The following RIPPLY3 variants were observed in gnomAD, a reference collection of about 807,000 sequenced individuals.
RIPPLY3 encodes the protein protein ripply3.
Under a neutral mutation model 11.9 loss-of-function variants are expected in RIPPLY3, and 8 were observed. The observed-to-expected ratio is 0.67, with a 90% CI of 0.40 to 1.21. RIPPLY3 has a LOEUF of 1.21. RIPPLY3 is among the 50% of genes most tolerant of loss of function. The pLI is 0.01. For missense variants in RIPPLY3, 271 were observed against 246.0 expected, an observed-to-expected ratio of 1.10 and a Z score of -0.68; for synonymous variants, 102 against 99.0, an observed-to-expected ratio of 1.03 and a Z score of -0.18.
At chr21:37,016,406 G>A (rs1249655157) in intron 3 of RIPPLY3, among the ~76,000 whole-genome samples, 1 of 151,828 alleles carries the variant, frequency 6.6e-6, no homozygotes, top group African/African-American at 2.4e-5. Flanking sequence ...TTTATAGAAG[G>A]GTGTTTTCTC....
At position 37,018,167 on chromosome 21, in the gene RIPPLY3, G is replaced by A. The variant is rs768346448; in HGVS notation, c.533G>A (p.Gly178Asp). The change falls in exon 4 of 4, where the codon GGT becomes GAT. Residue 178 changes from glycine (G) to aspartate (D), a missense_variant. Coordinates refer to ENST00000329553, the MANE Select transcript of RIPPLY3 (RefSeq NM_018962.3). ...TGGGGGGAGGGTCCGCTCCCTCAAGGTGTCTCCTCAAGGGGTGGCAAGTGC... is the reference window on the plus strand; with the variant it reads ...TGGGGGGAGGGTCCGCTCCCTCAAGATGTCTCCTCAAGGGGTGGCAAGTGC... ...DHWGEGPLPQGVSSRGGKCSS... is the reference protein window; with the variant it reads ...DHWGEGPLPQDVSSRGGKCSS... 3.1e-6 allele frequency: 5 copies of A among 1,614,000 alleles called. No individual in the cohort carries two copies. The East Asian group carries it at 6.7e-5, about 22-fold the overall frequency.
intron 2 of RIPPLY3, among the ~76,000 whole-genome samples, chr21:37,008,756 C>CAAAAAAAA (rs71198845): frequency 1.2e-5 from 1 of 81,652 alleles, no homozygotes; most frequent in Non-Finnish European, 2.4e-5. Context: ...AGACTCATCT[C>CAAAAAAAA]AAAAAAAAAA....
chr21:37,008,222 C>A lies in RIPPLY3; in HGVS notation c.170C>A (p.Pro57Gln). The change falls in exon 2 of 4, where the codon CCG (proline) becomes CAG (glutamine). Residue 57 changes from proline (P) to glutamine (Q), a missense_variant and splice_region_variant. Physicochemically the swap from Pro to Gln is moderately conservative, Grantham distance 76. Coordinates refer to ENST00000329553, the MANE Select transcript of RIPPLY3 (RefSeq NM_018962.3). ...GCTGAGCTGACCAGAACTGGAAGGC[C>A]GGTAAGGTTCAGTGCGGGCGTTGTA... ...GDAELTRTGR[P>Q]LEPRADQHTF... 6.2e-7 allele frequency: 1 copy of A among 1,614,018 alleles called. No homozygotes were observed. The highest frequency in any genetic ancestry group is 8.5e-7 in the Non-Finnish European group (1 of 1,179,992).
At chr21:37,017,435 CA>C (rs2146780541) in intron 3 of RIPPLY3, among the ~76,000 whole-genome samples, 1 of 152,074 alleles carries the variant, frequency 6.6e-6, no homozygotes, top group Non-Finnish European at 1.5e-5. Flanking sequence ...CTCCAGAACC[CA>C]AGGGGTTACA....
chr21:37,009,068 A>G (rs768670180), intron 2 of RIPPLY3, among the ~76,000 whole-genome samples: 1 of 151,886 alleles, frequency 6.6e-6, no homozygotes, highest in Non-Finnish European at 1.5e-5. Flanking sequence ...GAGCAAATAC[A>G]CTCAAGCAGA....
Position 37,008,042 on chromosome 21 carries a change from G to A in RIPPLY3, c.105-115G>A, listed in dbSNP as rs2069483013. ...GAGAACTCCAGGGAAAGTTCCTGGGGGGTCCGGTGCCTCTTTTTCAGGCAG... is the reference window on the plus strand; with the variant it reads ...GAGAACTCCAGGGAAAGTTCCTGGGAGGTCCGGTGCCTCTTTTTCAGGCAG... On this transcript the variant is annotated intron_variant, in intron 1 of 3. Coordinates refer to ENST00000329553, the MANE Select transcript of RIPPLY3 (RefSeq NM_018962.3). 1.2e-5 allele frequency: 12 copies of A among 1,025,510 alleles called. No homozygotes were observed. The South Asian group carries it at 1.7e-4, about 15-fold the overall frequency. 63.5% of individuals were successfully genotyped at this position (1,025,510 alleles called of 1,614,324 possible).
chr21:37,019,035 C>T lies in RIPPLY3; in HGVS notation c.*828C>T, dbSNP rs1431790779. 2.6e-5 allele frequency: 4 copies of T among 151,532 alleles called. No individual in the cohort carries two copies. Among genetic ancestry groups the T allele is most frequent in the Admixed American group, 2.0e-4 (3 of 15,182 alleles). 9.4% of individuals were successfully genotyped at this position (151,532 alleles called of 1,614,324 possible). ...ATTAAAAAAAAATTTTTTTAACCCG[C>T]CGAATAATTCCCATAAGAGTAACAA... On this transcript the variant is annotated 3_prime_UTR_variant, in exon 4 of 4. Transcript: ENST00000329553.
In RIPPLY3 at chr21:37,006,757, G is replaced by A. The variant is rs2069467972; in HGVS notation, c.-16G>A. 3 of 1,224,484 alleles carry A rather than the reference G, an allele frequency of 2.5e-6. No individual in the cohort carries two copies. The East Asian group carries it at 9.7e-5, about 40-fold the overall frequency. 75.9% of individuals were successfully genotyped at this position (1,224,484 alleles called of 1,614,324 possible). ...AGGCCGGCGCCGCAGCAAGGGGCGCGGGCTCCGCCGGCACCATGGAGCCCG... is the reference window on the plus strand; with the variant it reads ...AGGCCGGCGCCGCAGCAAGGGGCGCAGGCTCCGCCGGCACCATGGAGCCCG... On this transcript the variant is annotated 5_prime_UTR_variant, in exon 1 of 4. Coordinates refer to ENST00000329553, the MANE Select transcript of RIPPLY3 (RefSeq NM_018962.3). This position sits in a 1 kb window ranked among gnomAD's most constrained non-coding sequence, Gnocchi z 5.2.
upstream of RIPPLY3, chr21:37,006,679 C>G: frequency 1.2e-6 from 1 of 826,216 alleles, no homozygotes; most frequent in Non-Finnish European, 1.6e-6. The surrounding 1 kb of genome is among the most constrained non-coding windows in gnomAD (Gnocchi z 5.2). Context: ...GTTTTTAAAC[C>G]TGGCGCGCGG....
At chr21:37,016,213 G>A (rs1238292988) in intron 3 of RIPPLY3, among the ~76,000 whole-genome samples, 1 of 152,074 alleles carries the variant, frequency 6.6e-6, no homozygotes, top group Non-Finnish European at 1.5e-5. Flanking sequence ...TCTTCACGGT[G>A]GGAACTATCC....
chr21:37,016,289 C>G (rs1365569806), intron 3 of RIPPLY3, among the ~76,000 whole-genome samples: 1 of 152,116 alleles, frequency 6.6e-6, no homozygotes, highest in Non-Finnish European at 1.5e-5. Context: ...AGCTTACCCT[C>G]CATTGTGACA....
At chr21:37,012,394 C>T (rs1320258016) in intron 2 of RIPPLY3, among the ~76,000 whole-genome samples, 4 of 151,968 alleles carry the variant, frequency 2.6e-5, no homozygotes, top group East Asian at 1.9e-4. Flanking sequence ...CATGCCACCA[C>T]GCCCAGCTAA....
chr21:37,018,157 C>T lies in RIPPLY3; in HGVS notation c.523C>T (p.Leu175Phe). The change falls in exon 4 of 4, where the codon CTC becomes TTC. Residue 175 changes from leucine (L) to phenylalanine (F), a missense_variant. Physicochemically the swap from Leu to Phe is conservative, Grantham distance 22. Transcript: ENST00000329553. Reference sequence around the variant, plus strand: ...GGGTGACCACTGGGGGGAGGGTCCGCTCCCTCAAGGTGTCTCCTCAAGGGG... The same window carrying T: ...GGGTGACCACTGGGGGGAGGGTCCGTTCCCTCAAGGTGTCTCCTCAAGGGG... Reference protein sequence around the residue: ...GGGDHWGEGPLPQGVSSRGGK... With the variant: ...GGGDHWGEGPFPQGVSSRGGK... The T allele has an allele frequency of 1.2e-6, 2 of 1,613,960 alleles. No individual in the cohort carries two copies. Among genetic ancestry groups the T allele is most frequent in the Admixed American group, 3.3e-5 (2 of 60,018 alleles).
At chr21:37,011,688 C>T (rs896740320) in intron 2 of RIPPLY3, among the ~76,000 whole-genome samples, 6 of 152,084 alleles carry the variant, frequency 3.9e-5, no homozygotes, top group African/African-American at 1.2e-4. Flanking sequence ...TGGCTGGGGC[C>T]GGGCGCGATG....
At position 37,014,815 on chromosome 21, in the gene RIPPLY3, C is replaced by T. The variant is rs1295660904; in HGVS notation, c.239+1197C>T. 3.3e-5 allele frequency among the ~76,000 whole-genome samples: 5 copies of T among 152,166 alleles called. No homozygotes were observed. In the South Asian group the frequency reaches 1.0e-3, roughly 31 times the overall value. On this transcript the variant is annotated intron_variant, in intron 3 of 3. Transcript: ENST00000329553. The stretch of plus-strand genomic sequence containing the variant: ...AATCTCAGCTCACTGCAACCCCTGC[C>T]TCCTGAGCTTAAATGATCCTCCCAC...
rs2069469447 is a variant in RIPPLY3, at chr21:37,006,856, G to A, written c.84G>A (p.Pro28=). 4 of 1,221,072 alleles carry A rather than the reference G, an allele frequency of 3.3e-6. No homozygotes were observed. Among genetic ancestry groups the A allele is most frequent in the Non-Finnish European group, 4.1e-6 (4 of 981,026 alleles). The allele number at this position is 1,221,072 out of a possible 1,614,324, so 75.6% of individuals were successfully genotyped here. ...HCPGDAPWRP[P]PPRGPESPAP... is the part of the protein sequence containing the mutation. Reference sequence around the variant, plus strand: ...CCGGGGACGCTCCCTGGAGGCCTCCGCCACCGCGCGGGCCGGAGAGGTGAG... The same window carrying A: ...CCGGGGACGCTCCCTGGAGGCCTCCACCACCGCGCGGGCCGGAGAGGTGAG... Residue 28 remains proline, a synonymous_variant, in exon 1 of 4, where the codon CCG becomes CCA. Transcript: ENST00000329553. The surrounding 1 kb of genome is among the most constrained non-coding windows in gnomAD (Gnocchi z 5.2).
Position 37,018,061 on chromosome 21 carries a change from C to T in RIPPLY3, c.427C>T (p.Arg143Trp), listed in dbSNP as rs769944724. 1.1e-5 allele frequency: 18 copies of T among 1,613,804 alleles called. No individual in the cohort carries two copies. Among genetic ancestry groups the T allele is most frequent in the African/African-American group, 4.0e-5 (3 of 74,866 alleles). ...TCTTCTGCCCCAGGAGGTGGGAGGTCGGCAGGAAAATGGCCCAGGGGGAAA... is the reference window on the plus strand; with the variant it reads ...TCTTCTGCCCCAGGAGGTGGGAGGTTGGCAGGAAAATGGCCCAGGGGGAAA... ...LHLLPQEVGG[R>W]QENGPGGKGR... The change falls in exon 4 of 4, where the codon CGG (arginine) becomes TGG (tryptophan). Residue 143 changes from arginine to tryptophan, a missense_variant. Arg to Trp is a moderately radical substitution (Grantham distance 101). Coordinates refer to ENST00000329553, the MANE Select transcript of RIPPLY3 (RefSeq NM_018962.3).
At chr21:37,012,417 T>C (rs1039273939) in intron 2 of RIPPLY3, among the ~76,000 whole-genome samples, 1 of 151,700 alleles carries the variant, frequency 6.6e-6, no homozygotes, top group African/African-American at 2.4e-5. Context: ...TTTTTGGTAT[T>C]GTTAGTAGAG....
At chr21:37,017,279 TTTTC>T (rs140369209) in intron 3 of RIPPLY3, among the ~76,000 whole-genome samples, 13,632 of 152,112 alleles carry the variant, frequency 0.09, 1,187 homozygotes, top group African/African-American at 0.23. Flanking sequence ...GCACTTTCTT[TTTTC>T]TTTCTATTTC....
Sources: allele counts gnomAD v4.1 joint callset (sites outside exome capture counted in the v4.1 genomes callset), GRCh38; gene constraint gnomAD v4.1.1; non-coding constraint Gnocchi (gnomAD v3.1); transcripts MANE v1.5; gene names NCBI Gene and HGNC (gene_info 2026-07-23, HGNC 2026-07-21).